Variants in BRIP1 observed in about 807,000 individuals in gnomAD.
BRIP1 encodes the protein BRCA1 interacting DNA helicase 1.
BRIP1 carries 88 observed loss-of-function variants against 119.7 expected under a neutral mutation model. The ratio of observed to expected loss-of-function variants is 0.74; its 90% CI spans 0.62 to 0.88. The LOEUF (loss-of-function observed/expected upper bound fraction) is 0.88, where lower values mean the gene tolerates loss of function less well. BRIP1 is among the 40% of genes least tolerant of loss of function. BRIP1 has a pLI of 0.00. For missense variants in BRIP1, 1,259 were observed against 1,455.4 expected (o/e 0.87, Z 2.20); for synonymous variants, 443 against 496.5 (o/e 0.89, Z 1.43).
Position 61,849,191 on chromosome 17 carries a change from C to A in BRIP1, c.445G>T (p.Asp149Tyr), listed in dbSNP as rs2078779238. The A allele has an allele frequency of 6.2e-7, 1 of 1,612,452 alleles. No individual in the cohort carries two copies. The highest frequency in any genetic ancestry group is 1.1e-5 in the South Asian group (1 of 91,066). Residue 149 changes from aspartate to tyrosine, a missense_variant, in exon 5 of 20, where the codon GAT (aspartate) becomes TAT (tyrosine). Physicochemically the swap from Asp to Tyr is radical, Grantham distance 160. This residue lies in a region of BRIP1 where 501 missense variants were observed against 544.0 expected (regional missense o/e 0.92). Coordinates refer to ENST00000259008, the MANE Select transcript of BRIP1 (RefSeq NM_032043.3). ...SAKKQASIYR[D>Y]ENDDFQVEKK... ...TCTACTTGAAAATCATCATTTTCAT[C>A]TCTGTATATGGATGCCTGTTTCTTA... is the stretch of plus-strand genomic sequence containing the variant.
rs550460044 is a variant in BRIP1 at position 61,838,217 on chromosome 17, T to TA, written c.627+8883dup. Among the ~76,000 whole-genome samples the TA allele has an allele frequency of 3.4e-3, 521 of 152,206 alleles. 1 individual carries two copies. The highest frequency in any genetic ancestry group is 0.012 in the African/African-American group (486 of 41,550). ...TACTGTACTCCCTAGTATCATATAA[T>TA]AAAAAGCAAGATAGGAAAAGCGTCC... On this transcript the variant is annotated intron_variant, in intron 6 of 19. Transcript: ENST00000259008.
chr17:61,820,581 CACTTAT>C (rs1182611095), intron 6 of BRIP1, among the ~76,000 whole-genome samples: 3 of 152,184 alleles, frequency 2.0e-5, no homozygotes, highest in Non-Finnish European at 2.9e-5. Flanking sequence ...TAATCACATG[CACTTAT>C]ACTTAGACCC....
In BRIP1 at chr17:61,860,789, TACA is replaced by T; in HGVS notation, c.93+655_93+657del. ...TGGTATATTCATCCAATGGAATTTA[TACA>T]ACAATTAAAATGGATTAAGAATCAA... On this transcript the variant is annotated intron_variant, in intron 2 of 19. Coordinates refer to ENST00000259008, the MANE Select transcript of BRIP1 (RefSeq NM_032043.3). This position sits in a 1 kb window ranked among gnomAD's most constrained non-coding sequence, Gnocchi z 4.1. 6.6e-6 allele frequency among the ~76,000 whole-genome samples: 1 copy of T among 152,324 alleles called. No individual in the cohort carries two copies. The highest frequency in any genetic ancestry group is 1.9e-4 in the East Asian group (1 of 5,192).
At position 61,780,514 on chromosome 17, in the gene BRIP1, G is replaced by A; in HGVS notation, c.1795-113C>T. On this transcript the variant is annotated intron_variant, in intron 12 of 19. Transcript: ENST00000259008. This position sits in a 1 kb window ranked among gnomAD's most constrained non-coding sequence, Gnocchi z 5.4. Reference sequence around the variant, plus strand: ...AGGCTGAAGCAGGAAGATCGCTTGAGTCTAGGAGTCTGAGACCAGCCTGGG... The same window carrying A: ...AGGCTGAAGCAGGAAGATCGCTTGAATCTAGGAGTCTGAGACCAGCCTGGG... 1.0e-6 allele frequency: 1 copy of A among 977,916 alleles called. No homozygotes were observed. Among genetic ancestry groups the A allele is most frequent in the South Asian group, 1.4e-5 (1 of 73,956 alleles). The allele number at this position is 977,916 out of a possible 1,614,324, so 60.6% of individuals were successfully genotyped here.
chr17:61,709,119 T>C lies in BRIP1; in HGVS notation c.2492+6832A>G, dbSNP rs2061736090. Among the ~76,000 whole-genome samples, 1 of 152,240 alleles carries C rather than the reference T, an allele frequency of 6.6e-6. No individual in the cohort carries two copies. Among genetic ancestry groups the C allele is most frequent in the Non-Finnish European group, 1.5e-5 (1 of 68,038 alleles). ...CACCTGTTTTTAAACCTTACTTTCA[T>C]TGACATTTTAGATTGCTCCAAATCC... On this transcript the variant is annotated intron_variant, in intron 17 of 19. Coordinates refer to ENST00000259008, the MANE Select transcript of BRIP1 (RefSeq NM_032043.3). The surrounding 1 kb of genome is among the most constrained non-coding windows in gnomAD (Gnocchi z 5.0).
intron 17 of BRIP1, among the ~76,000 whole-genome samples, chr17:61,702,969 GTTCT>G (rs1331131707): frequency 9.7e-5 from 11 of 113,132 alleles, no homozygotes; most frequent in Non-Finnish European, 1.7e-4. Flanking sequence ...GCGAGCATCT[GTTCT>G]TTTTTTTTTT....
rs956011908 is a variant in BRIP1 at position 61,724,034 on chromosome 17, T to C, written c.2380-7971A>G. Among the ~76,000 whole-genome samples, 10 of 152,070 alleles carry C rather than the reference T, an allele frequency of 6.6e-5. No homozygotes were observed. The highest frequency in any genetic ancestry group is 2.4e-4 in the African/African-American group (10 of 41,410). On this transcript the variant is annotated intron_variant, in intron 16 of 19. Coordinates refer to ENST00000259008, the MANE Select transcript of BRIP1 (RefSeq NM_032043.3). The surrounding 1 kb of genome is among the most constrained non-coding windows in gnomAD (Gnocchi z 5.1). The stretch of plus-strand genomic sequence containing the variant: ...CAGATGCTGCATAGATTCACAAAAA[T>C]TTATCATTTCATAATTGAAGGTCAA...
At position 61,853,780 on chromosome 17, in the gene BRIP1, T is replaced by A. The variant is rs903725431; in HGVS notation, c.379+3278A>T. ...CTTAGACCTAAATGTAAACCTAAAA[T>A]TCTATCTGATCAAAGACTTGTATTC... On this transcript the variant is annotated intron_variant, in intron 4 of 19. Transcript: ENST00000259008. The surrounding 1 kb of genome is among the most constrained non-coding windows in gnomAD (Gnocchi z 4.3). 2.0e-5 allele frequency among the ~76,000 whole-genome samples: 3 copies of A among 152,194 alleles called. No homozygotes were observed. Among genetic ancestry groups the A allele is most frequent in the Non-Finnish European group, 2.9e-5 (2 of 68,042 alleles).
rs1414054932 is a variant in BRIP1, at chr17:61,684,937, T to C, written c.2906-797A>G. On this transcript the variant is annotated intron_variant, in intron 19 of 19. Coordinates refer to ENST00000259008, the MANE Select transcript of BRIP1 (RefSeq NM_032043.3). The surrounding 1 kb of genome is among the most constrained non-coding windows in gnomAD (Gnocchi z 4.5). Reference sequence around the variant, plus strand: ...CCAGCTAATTTTTGTATTTTTTTAGTAGAGACGGTGTTTCACCACACTGGT... The same window carrying C: ...CCAGCTAATTTTTGTATTTTTTTAGCAGAGACGGTGTTTCACCACACTGGT... 2.0e-5 allele frequency: 3 copies of C among 152,086 alleles called. No individual in the cohort carries two copies. In the East Asian group the frequency reaches 5.8e-4, roughly 29 times the overall value. The allele number at this position is 152,086 out of a possible 1,614,324, so 9.4% of individuals were successfully genotyped here.
In BRIP1 at chr17:61,801,397, G is replaced by C. The variant is rs2145338809; in HGVS notation, c.996C>G (p.Cys332Trp). The C allele has an allele frequency of 6.2e-7, 1 of 1,613,900 alleles. No homozygotes were observed. Among genetic ancestry groups the C allele is most frequent in the Non-Finnish European group, 8.5e-7 (1 of 1,179,870 alleles). ...CAAGTTCTTCTATATCCCAGGCTTT[G>C]CACATCCCTTGGAAAGTCTGTAATG... ...QHTLQTFQGMCKAWDIEELVS... is the reference protein window; with the variant it reads ...QHTLQTFQGMWKAWDIEELVS... Residue 332 changes from cysteine (C) to tryptophan (W), a missense_variant, in exon 8 of 20, where the codon TGC (cysteine) becomes TGG (tryptophan). By Grantham distance (215) the Cys-to-Trp change is radical. Around this residue, in one of 3 missense-constraint regions of BRIP1, gnomAD observed 501 missense variants for 544.0 expected, o/e 0.92. Coordinates refer to ENST00000259008, the MANE Select transcript of BRIP1 (RefSeq NM_032043.3).
In BRIP1 at chr17:61,799,174, T is replaced by A. The variant is rs1484320639; in HGVS notation, c.1266A>T (p.Leu422=). The A allele has an allele frequency of 6.2e-7, 1 of 1,613,752 alleles. No homozygotes were observed. Among genetic ancestry groups the A allele is most frequent in the Non-Finnish European group, 8.5e-7 (1 of 1,179,724 alleles). ...TTATATTATTGTTGACCATACTATC[T>A]AGTTCATCCCGAGCAAACCGAAGCT... ...EVQLRFARDE[L]DSMVNNNIRK... Residue 422 remains leucine, a synonymous_variant, in exon 9 of 20, where the codon CTA becomes CTT. Transcript: ENST00000259008. The surrounding 1 kb of genome is among the most constrained non-coding windows in gnomAD (Gnocchi z 5.1).
intron 16 of BRIP1, among the ~76,000 whole-genome samples, chr17:61,727,227 G>C (rs989854607): frequency 6.6e-6 from 1 of 152,124 alleles, no homozygotes; most frequent in East Asian, 1.9e-4. Flanking sequence ...TTATATAAAG[G>C]TTCCTGGCAA....
chr17:61,772,788 A>G (rs1338943057), intron 14 of BRIP1, among the ~76,000 whole-genome samples: 2 of 146,072 alleles, frequency 1.4e-5, no homozygotes, highest in Non-Finnish European at 3.0e-5. Context: ...ATTGCACTCC[A>G]GACTGGGCAA....
chr17:61,829,512 A>AAAC (rs3034709), intron 6 of BRIP1, among the ~76,000 whole-genome samples: 3 of 151,820 alleles, frequency 2.0e-5, no homozygotes, highest in Non-Finnish European at 4.4e-5. Context: ...ACCAAAAAAA[A>AAAC]CCAGCAAGGA....
At chr17:61,855,452 G>A (rs971510155) in intron 4 of BRIP1, among the ~76,000 whole-genome samples, 4 of 151,772 alleles carry the variant, frequency 2.6e-5, no homozygotes, top group Non-Finnish European at 4.4e-5. Context: ...GGTGGCAGGC[G>A]CCTGTCATCC....
chr17:61,776,396 C>T lies in BRIP1; in HGVS notation c.2097+5G>A, dbSNP rs1567808616. ...AGGCAAAAGAAACAATAAATATTCC[C>T]TTACCTTGTAAGATGGCAAGAAACA... is the stretch of plus-strand genomic sequence containing the variant. On this transcript the variant is annotated splice_donor_5th_base_variant and intron_variant, in intron 14 of 19. Transcript: ENST00000259008. The surrounding 1 kb of genome is among the most constrained non-coding windows in gnomAD (Gnocchi z 5.0). 1.9e-6 allele frequency: 3 copies of T among 1,613,902 alleles called. No homozygotes were observed. Among genetic ancestry groups the T allele is most frequent in the Non-Finnish European group, 2.5e-6 (3 of 1,179,852 alleles).
chr17:61,683,818 T>C lies in BRIP1; in HGVS notation c.3228A>G (p.Ser1076=). 1 of 1,614,180 alleles carries C rather than the reference T, an allele frequency of 6.2e-7. No individual in the cohort carries two copies. Residue 1076 remains serine (S), a synonymous_variant, in exon 20 of 20, where the codon TCA becomes TCG. Coordinates refer to ENST00000259008, the MANE Select transcript of BRIP1 (RefSeq NM_032043.3). This position sits in a 1 kb window ranked among gnomAD's most constrained non-coding sequence, Gnocchi z 4.7. ...SCPQSETIIS[S]LKIDATLTRK... ...TAGTAAGGGTGGCATCAATCTTTAA[T>C]GATGAAATAATGGTTTCTGATTGAG... is the stretch of plus-strand genomic sequence containing the variant.
rs1020895412 is a variant in BRIP1 at position 61,705,640 on chromosome 17, C to G, written c.2492+10311G>C. Among the ~76,000 whole-genome samples the G allele has an allele frequency of 2.0e-5, 3 of 152,074 alleles. No individual in the cohort carries two copies. Among genetic ancestry groups the G allele is most frequent in the Non-Finnish European group, 2.9e-5 (2 of 68,006 alleles). ...TTTTTCTAGCTTCATAAGGTAGAAA[C>G]TAAGATCAATGATTTGAGGATGTTT... On this transcript the variant is annotated intron_variant, in intron 17 of 19. Coordinates refer to ENST00000259008, the MANE Select transcript of BRIP1 (RefSeq NM_032043.3). The surrounding 1 kb of genome is among the most constrained non-coding windows in gnomAD (Gnocchi z 5.0).
intron 10 of BRIP1, among the ~76,000 whole-genome samples, chr17:61,788,444 AC>A (rs1254930453): frequency 2.0e-5 from 3 of 152,204 alleles, no homozygotes; most frequent in Non-Finnish European, 4.4e-5. Flanking sequence ...AAAAATTCTA[AC>A]AGAACTTTTC....
Sources: allele counts gnomAD v4.1 joint callset (sites outside exome capture counted in the v4.1 genomes callset), GRCh38; gene constraint gnomAD v4.1.1; regional missense constraint gnomAD v4.1.1; non-coding constraint Gnocchi (gnomAD v3.1); transcripts MANE v1.5; gene names NCBI Gene and HGNC (gene_info 2026-07-23, HGNC 2026-07-21).